The following SMOX variants were observed in gnomAD, a reference collection of about 807,000 sequenced individuals.
SMOX encodes the protein flavin containing amine oxidase.
Under a neutral mutation model 51.0 loss-of-function variants are expected in SMOX, and 22 were observed. The observed-to-expected ratio is 0.43, with a 90% confidence interval of 0.31 to 0.62. The LOEUF is 0.62. SMOX is among the 20% of genes least tolerant of loss of function. The pLI, the probability that SMOX is intolerant of heterozygous loss-of-function variation, is 0.10. For synonymous variants in SMOX, 282 were observed against 307.8 expected (o/e 0.92, Z 0.88); for missense variants, 566 against 777.7 (o/e 0.73, Z 3.24).
chr20:4,169,606 C>G (rs929015275), intron 1 of SMOX, among the ~76,000 whole-genome samples: 3 of 152,164 alleles, frequency 2.0e-5, no homozygotes, highest in African/African-American at 7.2e-5. Flanking sequence ...GGGCTTCAGC[C>G]TCATTCTTGA....
rs534215661 is a variant in SMOX, at chr20:4,166,101, G to A, written c.-26-8929G>A. Among the ~76,000 whole-genome samples, 19 of 145,458 alleles carry A rather than the reference G, an allele frequency of 1.3e-4. No homozygotes were observed. In the South Asian group the frequency reaches 4.0e-3, roughly 30 times the overall value. Reference sequence around the variant, plus strand: ...GGTGTTCAGAGCAATTGTGCCTAGCGCCTGATCTAATCTGTTGTCAGAGTG... The same window carrying A: ...GGTGTTCAGAGCAATTGTGCCTAGCACCTGATCTAATCTGTTGTCAGAGTG... On this transcript the variant is annotated intron_variant, in intron 1 of 6. Coordinates refer to ENST00000305958, the MANE Select transcript of SMOX (RefSeq NM_175839.3). The surrounding 1 kb of genome is among the most constrained non-coding windows in gnomAD (Gnocchi z 4.2).
In SMOX at chr20:4,170,026, C is replaced by T. The variant is rs1224213380; in HGVS notation, c.-26-5004C>T. ...CATGCAGAGATCTTCCCCAGGCCTG[C>T]TACATAGTAGGTGCTCAGTGAATTG... On this transcript the variant is annotated intron_variant, in intron 1 of 6. Coordinates refer to ENST00000305958, the MANE Select transcript of SMOX (RefSeq NM_175839.3). The surrounding 1 kb of genome is among the most constrained non-coding windows in gnomAD (Gnocchi z 4.6). 2.0e-5 allele frequency among the ~76,000 whole-genome samples: 3 copies of T among 152,084 alleles called. No homozygotes were observed. Among genetic ancestry groups the T allele is most frequent in the East Asian group, 3.8e-4 (2 of 5,196 alleles).
chr20:4,179,673 C>T (rs1979173985), intron 3 of SMOX, among the ~76,000 whole-genome samples: 2 of 152,156 alleles, frequency 1.3e-5, no homozygotes, highest in African/African-American at 4.8e-5. Flanking sequence ...ACTGCCTTGA[C>T]CAAATACCAG....
In SMOX at chr20:4,172,124, T is replaced by A. The variant is rs1425203271; in HGVS notation, c.-26-2906T>A. ...CACCCTGACCCCCATAGCAGCTTTT[T>A]AAGAAGGGGTTCCACCAGTAAGGCG... On this transcript the variant is annotated intron_variant, in intron 1 of 6. Coordinates refer to ENST00000305958, the MANE Select transcript of SMOX (RefSeq NM_175839.3). The surrounding 1 kb of genome is among the most constrained non-coding windows in gnomAD (Gnocchi z 7.7). Among the ~76,000 whole-genome samples the A allele has an allele frequency of 6.6e-6, 1 of 152,192 alleles. No homozygotes were observed. Among genetic ancestry groups the A allele is most frequent in the Non-Finnish European group, 1.5e-5 (1 of 68,012 alleles).
At chr20:4,169,982 G>T (rs1986754283) in intron 1 of SMOX, among the ~76,000 whole-genome samples, 1 of 152,138 alleles carries the variant, frequency 6.6e-6, no homozygotes, top group Non-Finnish European at 1.5e-5. Context: ...GGCCAGCTGG[G>T]TCCAGAGGGC....
In SMOX at chr20:4,166,537, T is replaced by C. The variant is rs1044079309; in HGVS notation, c.-26-8493T>C. Among the ~76,000 whole-genome samples the C allele has an allele frequency of 2.6e-5, 4 of 152,164 alleles. No individual in the cohort carries two copies. Among genetic ancestry groups the C allele is most frequent in the African/African-American group, 9.7e-5 (4 of 41,440 alleles). On this transcript the variant is annotated intron_variant, in intron 1 of 6. Transcript: ENST00000305958. This position sits in a 1 kb window ranked among gnomAD's most constrained non-coding sequence, Gnocchi z 4.2. ...CAGCCTCTCTGGCTTCTTTCTGAGC[T>C]TTCTTCCCCTCCTCCACCCCCAGTT... is the stretch of plus-strand genomic sequence containing the variant.
chr20:4,172,188 G>A lies in SMOX; in HGVS notation c.-26-2842G>A, dbSNP rs1044589204. On this transcript the variant is annotated intron_variant, in intron 1 of 6. Transcript: ENST00000305958. The surrounding 1 kb of genome is among the most constrained non-coding windows in gnomAD (Gnocchi z 7.7). ...AGCCATCCCTTTCCGTAGTGGATAG[G>A]AGACTGTGTGTGGGGTGGCCTGGGG... Among the ~76,000 whole-genome samples, 8 of 152,268 alleles carry A rather than the reference G, an allele frequency of 5.3e-5. No homozygotes were observed. The highest frequency in any genetic ancestry group is 2.1e-4 in the South Asian group (1 of 4,830).
chr20:4,173,644 C>T (rs562672458), intron 1 of SMOX, among the ~76,000 whole-genome samples: 20 of 152,286 alleles, frequency 1.3e-4, no homozygotes, highest in East Asian at 5.8e-4. Flanking sequence ...TTATTAGGTA[C>T]GGGTGACAGT....
At chr20:4,161,198 C>T (rs978498942) in intron 1 of SMOX, among the ~76,000 whole-genome samples, 10 of 152,178 alleles carry the variant, frequency 6.6e-5, no homozygotes, top group African/African-American at 2.4e-4. Context: ...TGTCAAGTGC[C>T]CAGGCTGCAG....
chr20:4,162,936 T>G (rs1986401854), intron 1 of SMOX, among the ~76,000 whole-genome samples: 1 of 152,168 alleles, frequency 6.6e-6, no homozygotes, highest in African/African-American at 2.4e-5. Flanking sequence ...TGTCGGTGTG[T>G]GAGCAAGGTT....
chr20:4,182,831 T>C lies in SMOX; in HGVS notation c.1352T>C (p.Met451Thr), dbSNP rs777005039. 2.5e-6 allele frequency: 4 copies of C among 1,607,236 alleles called. No individual in the cohort carries two copies. In the South Asian group the frequency reaches 4.4e-5, roughly 18 times the overall value. The part of the protein sequence containing the change: ...DEAVAEICTE[M>T]LRQFTGNPNI... ...GCAGTGGCCGAGATCTGCACGGAGA[T>C]GCTGCGTCAGTTCACAGGTGCGCCA... Residue 451 changes from methionine (M) to threonine (T), a missense_variant, in exon 5 of 7, where the codon ATG becomes ACG. Around this residue, in one of 3 missense-constraint regions of SMOX, gnomAD observed 347 missense variants for 481.8 expected, o/e 0.72. Coordinates refer to ENST00000305958, the MANE Select transcript of SMOX (RefSeq NM_175839.3). This position sits in a 1 kb window ranked among gnomAD's most constrained non-coding sequence, Gnocchi z 8.4.
In SMOX at chr20:4,182,242, A is replaced by G. The variant is rs45622731; in HGVS notation, c.763A>G (p.Ile255Val). Residue 255 changes from isoleucine (I) to valine (V), a missense_variant, in exon 5 of 7, where the codon ATC (isoleucine) becomes GTC (valine). By Grantham distance (29) the Ile-to-Val change is conservative (BLOSUM62 3). Coordinates refer to ENST00000305958, the MANE Select transcript of SMOX (RefSeq NM_175839.3). This position sits in a 1 kb window ranked among gnomAD's most constrained non-coding sequence, Gnocchi z 8.4. ...GGCGGAGGGCATCCCTGCCCACGTC[A>G]TCCAGCTAGGGAAACCTGTCCGCTG... The part of the protein sequence containing the change: ...LLAEGIPAHV[I>V]QLGKPVRCIH... The G allele has an allele frequency of 1.5e-4, 250 of 1,613,606 alleles. No individual in the cohort carries two copies. Among genetic ancestry groups the G allele is most frequent in the Non-Finnish European group, 2.0e-4 (237 of 1,179,974 alleles).
At position 4,183,396 on chromosome 20, in the gene SMOX, C is replaced by T. The variant is rs541708641; in HGVS notation, c.1370-98C>T. 3 of 1,556,408 alleles carry T rather than the reference C, an allele frequency of 1.9e-6. No homozygotes were observed. In the East Asian group the frequency reaches 6.7e-5, roughly 35 times the overall value. Reference sequence around the variant, plus strand: ...CCCTGGCAGTCTGGTCCTCCCGGAGCCCTGGAGGTGGGGTGGGGGGTTGTC... The same window carrying T: ...CCCTGGCAGTCTGGTCCTCCCGGAGTCCTGGAGGTGGGGTGGGGGGTTGTC... On this transcript the variant is annotated intron_variant, in intron 5 of 6. Coordinates refer to ENST00000305958, the MANE Select transcript of SMOX (RefSeq NM_175839.3). The surrounding 1 kb of genome is among the most constrained non-coding windows in gnomAD (Gnocchi z 4.3).
chr20:4,187,204 G>GGTGGCCTT lies in SMOX; in HGVS notation c.1531-57_1531-50dup, dbSNP rs557068526. ...GGGATGGGAGGTTCTGGTGGAGAGG[G>GGTGGCCTT]GTGGCCTTGTGGCCTTCTGGCCTTT... On this transcript the variant is annotated intron_variant, in intron 6 of 6. Transcript: ENST00000305958. The surrounding 1 kb of genome is among the most constrained non-coding windows in gnomAD (Gnocchi z 4.8). 7,819 of 1,543,298 alleles carry GGTGGCCTT rather than the reference G, an allele frequency of 5.1e-3. 30 individuals are homozygous for GGTGGCCTT. Among genetic ancestry groups the GGTGGCCTT allele is most frequent in the Non-Finnish European group, 5.5e-3 (6,318 of 1,139,928 alleles).
rs1395932177 is a variant in SMOX, at chr20:4,153,310, C to G, written c.-27+4333C>G. Among the ~76,000 whole-genome samples, 1 of 152,170 alleles carries G rather than the reference C, an allele frequency of 6.6e-6. No homozygotes were observed. Among genetic ancestry groups the G allele is most frequent in the Non-Finnish European group, 1.5e-5 (1 of 68,030 alleles). ...GGTTTAGCATTGCCCTCGTCATCTG[C>G]CTGTAAAATGGGATTAGAGGGACTT... On this transcript the variant is annotated intron_variant, in intron 1 of 6. Coordinates refer to ENST00000305958, the MANE Select transcript of SMOX (RefSeq NM_175839.3). This position sits in a 1 kb window ranked among gnomAD's most constrained non-coding sequence, Gnocchi z 4.4.
chr20:4,158,419 G>A (rs1290514107), intron 1 of SMOX, among the ~76,000 whole-genome samples: 1 of 152,154 alleles, frequency 6.6e-6, no homozygotes, highest in African/African-American at 2.4e-5. Flanking sequence ...TGGAGGATGA[G>A]GAAAAGCATC....
chr20:4,183,548 A>G lies in SMOX; in HGVS notation c.1424A>G (p.Asn475Ser). 6.2e-7 allele frequency: 1 copy of G among 1,613,858 alleles called. No individual in the cohort carries two copies. Among genetic ancestry groups the G allele is most frequent in the Non-Finnish European group, 8.5e-7 (1 of 1,179,890 alleles). Residue 475 changes from asparagine to serine, a missense_variant, in exon 6 of 7, where the codon AAC becomes AGC. Transcript: ENST00000305958. The surrounding 1 kb of genome is among the most constrained non-coding windows in gnomAD (Gnocchi z 4.3). Reference protein sequence around the residue: ...RRILRSAWGSNPYFRGSYSYT... With the variant: ...RRILRSAWGSSPYFRGSYSYT... The stretch of plus-strand genomic sequence containing the variant: ...ATCTTGCGCTCGGCCTGGGGCAGCA[A>G]CCCTTACTTCCGCGGCTCCTATTCA...
intron 6 of SMOX, among the ~76,000 whole-genome samples, chr20:4,186,371 T>G (rs1392034010): frequency 1.3e-5 from 2 of 152,178 alleles, no homozygotes; most frequent in Non-Finnish European, 2.9e-5. Flanking sequence ...ACCTTGAATT[T>G]GAGAGGAACT....
rs1260929278 is a variant in SMOX, at chr20:4,177,304, C to G, written c.209-47C>G. The G allele has an allele frequency of 7.1e-5, 106 of 1,501,234 alleles. No individual in the cohort carries two copies. Among genetic ancestry groups the G allele is most frequent in the Non-Finnish European group, 9.3e-5 (103 of 1,102,656 alleles). The allele number at this position is 1,501,234 out of a possible 1,614,324, so 93.0% of individuals were successfully genotyped here. ...GAGGGGGAAGCAGTGCTGGCCCTCT[C>G]TGGAGAAGTCCCTAAGCCTCTAAGG... On this transcript the variant is annotated intron_variant, in intron 2 of 6. Transcript: ENST00000305958. This position sits in a 1 kb window ranked among gnomAD's most constrained non-coding sequence, Gnocchi z 4.3.
Sources: allele counts gnomAD v4.1 joint callset (sites outside exome capture counted in the v4.1 genomes callset), GRCh38; gene constraint gnomAD v4.1.1; regional missense constraint gnomAD v4.1.1; non-coding constraint Gnocchi (gnomAD v3.1); transcripts MANE v1.5; gene names NCBI Gene and HGNC (gene_info 2026-07-23, HGNC 2026-07-21).